The following PDIA3 variants were observed in gnomAD, a reference collection of about 807,000 sequenced individuals.
PDIA3 encodes protein disulfide isomerase family A member 3, also known as protein disulfide-isomerase A3.
PDIA3 carries 16 observed loss-of-function variants against 56.9 expected under a neutral mutation model. That is an observed-to-expected ratio of 0.28 (90% confidence interval 0.19 to 0.43). The LOEUF (loss-of-function observed/expected upper bound fraction) is 0.43. PDIA3 is among the 20% of genes least tolerant of loss of function. PDIA3 has a pLI of 1.00. For missense variants in PDIA3, 485 were observed against 621.3 expected (o/e 0.78, Z 2.33); for synonymous variants, 192 against 216.5 (o/e 0.89, Z 0.99).
Position 43,746,442 on chromosome 15 carries a change from G to C in PDIA3, c.-98G>C. ...GGCTGCAGGTCCGCCTGGGCCAGAC[G>C]CGCGAGCGCAAGCAGCGGGTTAGTG... On this transcript the variant is annotated 5_prime_UTR_variant, in exon 1 of 13. Coordinates refer to ENST00000300289, the MANE Select transcript of PDIA3 (RefSeq NM_005313.5). 8.1e-7 allele frequency: 1 copy of C among 1,238,044 alleles called. No individual in the cohort carries two copies. The allele number at this position is 1,238,044 out of a possible 1,614,324, so 76.7% of individuals were successfully genotyped here. A position where few individuals can be genotyped will look rare whatever the true frequency, so the allele number is the denominator to read the frequency against.
intron 1 of PDIA3, chr15:43,752,873 G>C (rs533042946): frequency 2.1e-6 from 1 of 471,132 alleles, no homozygotes; most frequent in Non-Finnish European, 4.4e-6. Context: ...TGTACAGCTG[G>C]TGCTAGCTGT....
At chr15:43,764,439 G>A (rs1410823984) in intron 5 of PDIA3, among the ~76,000 whole-genome samples, 2 of 152,180 alleles carry the variant, frequency 1.3e-5, no homozygotes. Flanking sequence ...AACTATGAGT[G>A]AAAAGAAGAT....
At chr15:43,752,868 A>C (rs1471232069) in intron 1 of PDIA3, 3 of 471,036 alleles carry the variant, frequency 6.4e-6, no homozygotes, top group African/African-American at 6.0e-5. Context: ...GGTGATGTAC[A>C]GCTGGTGCTA....
At chr15:43,770,784 G>A (rs530657450) in intron 12 of PDIA3, among the ~76,000 whole-genome samples, 81 of 152,236 alleles carry the variant, frequency 5.3e-4, no homozygotes, top group African/African-American at 1.9e-3. Flanking sequence ...CCGAGTAGCT[G>A]GGATTACAGG....
chr15:43,761,358 G>T, intron 3 of PDIA3, 66 bp from the exon 4 acceptor site: 1 of 829,228 alleles, frequency 1.2e-6, no homozygotes, highest in Non-Finnish European at 2.0e-6. Flanking sequence ...TGTGAATGAT[G>T]AATAATTGCC....
intron 1 of PDIA3, among the ~76,000 whole-genome samples, chr15:43,752,554 G>T (rs2086751559): frequency 6.6e-6 from 1 of 152,132 alleles, no homozygotes; most frequent in Non-Finnish European, 1.5e-5. Context: ...TCCCCTATGT[G>T]CCCCTTTACC....
At chr15:43,768,424 A>G (rs971510477) in intron 8 of PDIA3, 65 bp from the exon 9 acceptor site, 1 of 1,206,754 alleles carries the variant, frequency 8.3e-7, no homozygotes, top group African/African-American at 1.5e-5. Context: ...ATTCAAAGAA[A>G]TTGCTGTAAT....
Position 43,771,616 on chromosome 15 carries a change from G to A in PDIA3, c.*398G>A. Reference sequence around the variant, plus strand: ...ACTGTTCAATAGAGCTTTCTTCAGTGATGGAAATGCTCTGTAATCTACACT... The same window carrying A: ...ACTGTTCAATAGAGCTTTCTTCAGTAATGGAAATGCTCTGTAATCTACACT... On this transcript the variant is annotated 3_prime_UTR_variant, in exon 13 of 13. Transcript: ENST00000300289. 2 of 407,032 alleles carry A rather than the reference G, an allele frequency of 4.9e-6. No individual in the cohort carries two copies. The highest frequency in any genetic ancestry group is 2.1e-5 in the African/African-American group (1 of 48,694). The allele number at this position is 407,032 out of a possible 1,614,324, so 25.2% of individuals were successfully genotyped here. A position where few individuals can be genotyped will look rare whatever the true frequency, so the allele number is the denominator to read the frequency against.
Position 43,768,468 on chromosome 15 carries a change from AC to A in PDIA3, c.1029-18del. The A allele has an allele frequency of 6.5e-7, 1 of 1,540,034 alleles. No homozygotes were observed. Among genetic ancestry groups the A allele is most frequent in the Non-Finnish European group, 9.0e-7 (1 of 1,112,756 alleles). On this transcript the variant is annotated intron_variant, in intron 8 of 12. Coordinates refer to ENST00000300289, the MANE Select transcript of PDIA3 (RefSeq NM_005313.5). ...CGGTGGGAATAGATTAACAAGCCTT[AC>A]CCTTGTTTTCCAATTGTAGGCGTGA...
chr15:43,751,360 G>C (rs1430330170), intron 1 of PDIA3, among the ~76,000 whole-genome samples: 1 of 152,006 alleles, frequency 6.6e-6, no homozygotes, highest in East Asian at 1.9e-4. Flanking sequence ...AAAGACACTT[G>C]ATAAGGCACT....
At chr15:43,751,657 C>A in intron 1 of PDIA3, 1 of 1,304,110 alleles carries the variant, frequency 7.7e-7, no homozygotes, top group South Asian at 1.2e-5. Flanking sequence ...ATTTGATGAC[C>A]TTATGGATAT....
chr15:43,763,069 C>T lies in PDIA3; in HGVS notation c.473-8C>T. ...GCTTCTTCCTTGTGTTTAATATTTTCTGTATAGGTTTTTTCGATGATTCAT... is the reference window on the plus strand; with the variant it reads ...GCTTCTTCCTTGTGTTTAATATTTTTTGTATAGGTTTTTTCGATGATTCAT... On this transcript the variant is annotated splice_region_variant and splice_polypyrimidine_tract_variant and intron_variant, in intron 4 of 12. Coordinates refer to ENST00000300289, the MANE Select transcript of PDIA3 (RefSeq NM_005313.5). The T allele has an allele frequency of 6.2e-7, 1 of 1,613,118 alleles. No individual in the cohort carries two copies. Among genetic ancestry groups the T allele is most frequent in the East Asian group, 2.2e-5 (1 of 44,838 alleles).
chr15:43,747,270 T>G (rs1276408075), intron 1 of PDIA3, among the ~76,000 whole-genome samples: 1 of 152,170 alleles, frequency 6.6e-6, no homozygotes, highest in African/African-American at 2.4e-5. Context: ...CTTCAGCTGA[T>G]CACTTACATC....
At chr15:43,752,925 T>A (rs1198798928) in intron 1 of PDIA3, 1 of 467,474 alleles carries the variant, frequency 2.1e-6, no homozygotes, top group African/African-American at 2.0e-5. Context: ...GAGCCGGTGC[T>A]TCTGGTGGCC....
At chr15:43,746,817 C>A in intron 1 of PDIA3, 111 bp downstream of exon 1, 1 of 1,207,228 alleles carries the variant, frequency 8.3e-7, no homozygotes, top group South Asian at 1.3e-5. Context: ...CCTGTGGGCC[C>A]CTGCTGCGGC....
chr15:43,771,631 T>TCC lies in PDIA3; in HGVS notation c.*413_*414insCC. On this transcript the variant is annotated 3_prime_UTR_variant, in exon 13 of 13. Transcript: ENST00000300289. ...TTTCTTCAGTGATGGAAATGCTCTG[T>TCC]AATCTACACTGTTCAGTACAGGTAG... 2 of 408,020 alleles carry TCC rather than the reference T, an allele frequency of 4.9e-6. No homozygotes were observed. The highest frequency in any genetic ancestry group is 8.6e-6 in the Non-Finnish European group (2 of 232,152). The allele number at this position is 408,020 out of a possible 1,614,324, so 25.3% of individuals were successfully genotyped here. A position where few individuals can be genotyped will look rare whatever the true frequency, so the allele number is the denominator to read the frequency against.
chr15:43,748,083 G>A (rs1487402924), intron 1 of PDIA3, among the ~76,000 whole-genome samples: 1 of 152,192 alleles, frequency 6.6e-6, no homozygotes, highest in Non-Finnish European at 1.5e-5. Flanking sequence ...GTGTCACTAA[G>A]TTTGTCAGAT....
chr15:43,764,314 G>T (rs2141654344), intron 5 of PDIA3, among the ~76,000 whole-genome samples: 1 of 152,252 alleles, frequency 6.6e-6, no homozygotes, highest in Middle Eastern at 3.4e-3. Flanking sequence ...GAATTCTAAG[G>T]ACTATAAGGA....
chr15:43,760,372 CAGA>C (rs969934317), intron 3 of PDIA3, among the ~76,000 whole-genome samples: 6 of 146,464 alleles, frequency 4.1e-5, no homozygotes, highest in African/African-American at 7.4e-5. Flanking sequence ...GCCTGGGTGA[CAGA>C]AGGAGACCCT....
Sources: allele counts gnomAD v4.1 joint callset (sites outside exome capture counted in the v4.1 genomes callset), GRCh38; gene constraint gnomAD v4.1.1; transcripts MANE v1.5; gene names NCBI Gene and HGNC (gene_info 2026-07-23, HGNC 2026-07-21).